SOBP: variants seen among roughly 807,000 people sequenced by gnomAD.
SOBP encodes sine oculis-binding protein homolog.
In SOBP, 4 loss-of-function variants were observed where a neutral mutation model predicts 53.6. The ratio of observed to expected loss-of-function variants is 0.07; its 90% confidence interval spans 0.04 to 0.17. The LOEUF (loss-of-function observed/expected upper bound fraction) is 0.17. SOBP is among the 10% of genes least tolerant of loss of function. The pLI, the probability that SOBP is intolerant of heterozygous loss-of-function variation, is 1.00. For synonymous variants in SOBP, 584 were observed against 522.6 expected (o/e 1.12, Z -1.60); for missense variants, 1,088 against 1,204.7 (o/e 0.90, Z 1.43).
chr6:107,518,925 T>C (rs1017873198), intron 3 of SOBP, among the ~76,000 whole-genome samples: 1 of 152,218 alleles, frequency 6.6e-6, no homozygotes, highest in Non-Finnish European at 1.5e-5. Context: ...AGTCTGTTCA[T>C]AGCTTTCTCA....
chr6:107,503,658 A>G lies in SOBP; in HGVS notation c.98A>G (p.Asn33Ser), dbSNP rs1447843936. 1.2e-6 allele frequency: 2 copies of G among 1,614,176 alleles called. No homozygotes were observed. Among genetic ancestry groups the G allele is most frequent in the Admixed American group, 1.7e-5 (1 of 60,030 alleles). The change falls in exon 2 of 7, where the codon AAC becomes AGC. Residue 33 changes from asparagine to serine, a missense_variant and splice_region_variant. Physicochemically the swap from Asn to Ser is conservative, Grantham distance 46. Coordinates refer to ENST00000317357, the MANE Select transcript of SOBP (RefSeq NM_018013.4). The stretch of plus-strand genomic sequence containing the variant: ...TAGTAGCCTATGCTTCTCTTTCAGA[A>G]CTTTGCAGAAAACACCATGAATGAA... ...VKREINEEMK[N>S]FAENTMNELL...
At chr6:107,565,913 T>G (rs984622492) in intron 4 of SOBP, among the ~76,000 whole-genome samples, 2 of 152,230 alleles carry the variant, frequency 1.3e-5, no homozygotes, top group Non-Finnish European at 2.9e-5. Flanking sequence ...CTCCAGTTGC[T>G]TCAAGCATAA....
intron 6 of SOBP, among the ~76,000 whole-genome samples, chr6:107,653,663 T>C (rs1231678592): frequency 6.6e-6 from 1 of 152,218 alleles, no homozygotes; most frequent in Non-Finnish European, 1.5e-5. Context: ...ATTACAAAAG[T>C]ATTTGAGGAA....
chr6:107,591,848 C>A (rs1449650345), intron 5 of SOBP, among the ~76,000 whole-genome samples: 1 of 152,010 alleles, frequency 6.6e-6, no homozygotes, highest in Non-Finnish European at 1.5e-5. Context: ...CTAGCTTCAA[C>A]AATTATCAAC....
rs547130589 is a variant in SOBP, at chr6:107,524,177, A to G, written c.422-9282A>G. Among the ~76,000 whole-genome samples, 19 of 152,334 alleles carry G rather than the reference A, an allele frequency of 1.2e-4. No individual in the cohort carries two copies. The East Asian group carries it at 3.1e-3, about 25-fold the overall frequency. On this transcript the variant is annotated intron_variant, in intron 3 of 6. Transcript: ENST00000317357. ...CTGCCACTTTTGTATCTCTTTGAAG[A>G]TGGTGCCCCTCTAGGCAGGGCAAGG...
chr6:107,575,720 G>GTAA (rs772512260), intron 4 of SOBP, among the ~76,000 whole-genome samples: 32 of 152,100 alleles, frequency 2.1e-4, no homozygotes, highest in Middle Eastern at 6.8e-3. Context: ...TCCTGGAAAT[G>GTAA]TAATAATAAT....
chr6:107,528,654 A>G (rs1233139764), intron 3 of SOBP, among the ~76,000 whole-genome samples: 1 of 152,248 alleles, frequency 6.6e-6, no homozygotes, highest in African/African-American at 2.4e-5. Context: ...CCTCAAAGAC[A>G]TTTTGACCTT....
chr6:107,656,051 A>C (rs1392853151), intron 6 of SOBP, among the ~76,000 whole-genome samples: 1 of 151,998 alleles, frequency 6.6e-6, no homozygotes, highest in Non-Finnish European at 1.5e-5. Context: ...AGATTCAGTC[A>C]CTCTTGGTTC....
chr6:107,567,774 G>A (rs1239588034), intron 4 of SOBP, among the ~76,000 whole-genome samples: 1 of 152,180 alleles, frequency 6.6e-6, no homozygotes, highest in African/African-American at 2.4e-5. Context: ...ATAAGGACAT[G>A]GTGTAGAAAG....
In SOBP at chr6:107,659,600, G is replaced by C. The variant is rs1014014838; in HGVS notation, c.*1397G>C. On this transcript the variant is annotated 3_prime_UTR_variant, in exon 7 of 7. Transcript: ENST00000317357. ...GTTTACTAACTCAAATAAAGCAATT[G>C]TTCCCTCTGGAGGGGTCCAGGTGCC... 1 of 152,348 alleles carries C rather than the reference G, an allele frequency of 6.6e-6. No homozygotes were observed. The highest frequency in any genetic ancestry group is 2.4e-5 in the African/African-American group (1 of 41,382). The allele number at this position is 152,348 out of a possible 1,614,324, so 9.4% of individuals were successfully genotyped here. A position where few individuals can be genotyped will look rare whatever the true frequency, so the allele number is the denominator to read the frequency against.
At chr6:107,638,958 A>G (rs1420267120) in intron 6 of SOBP, among the ~76,000 whole-genome samples, 2 of 151,992 alleles carry the variant, frequency 1.3e-5, no homozygotes, top group Non-Finnish European at 2.9e-5. Flanking sequence ...GCTGGAGTGC[A>G]GTGGCACAAT....
chr6:107,607,364 A>C (rs960406510), intron 5 of SOBP, among the ~76,000 whole-genome samples: 1 of 152,248 alleles, frequency 6.6e-6, no homozygotes, highest in Non-Finnish European at 1.5e-5. Flanking sequence ...GACAGGCCCA[A>C]CATGAAATAT....
At chr6:107,503,867 CTTTGG>C in intron 2 of SOBP, 72 bp downstream of exon 2, 5 of 1,574,210 alleles carry the variant, frequency 3.2e-6, no homozygotes, top group Non-Finnish European at 4.3e-6. Context: ...AATTGAGTTG[CTTTGG>C]GACTCAATTG....
At chr6:107,557,991 T>G (rs1263048413) in intron 4 of SOBP, 2 of 152,190 alleles carry the variant, frequency 1.3e-5, no homozygotes, top group African/African-American at 4.8e-5. Flanking sequence ...GTGTAAAATT[T>G]AAACATTTTA....
In SOBP at chr6:107,634,315, C is replaced by G; in HGVS notation, c.1471C>G (p.Pro491Ala). 1 of 1,579,098 alleles carries G rather than the reference C, an allele frequency of 6.3e-7. No homozygotes were observed. The highest frequency in any genetic ancestry group is 8.5e-7 in the Non-Finnish European group (1 of 1,169,720). ...CGCCCCGCTGCCGAGTCTTCCCTTC[C>G]CGCCAGTGAGCATGATGCCAAATGG... ...PGAPLPSLPF[P>A]PVSMMPNGPM... is the part of the protein sequence containing the mutation. Residue 491 changes from proline to alanine, a missense_variant, in exon 6 of 7, where the codon CCG becomes GCG. Physicochemically the swap from Pro to Ala is conservative, Grantham distance 27. Around this residue, in one of 6 missense-constraint regions of SOBP, gnomAD observed 665 missense variants for 629.7 expected, o/e 1.06. Transcript: ENST00000317357. The surrounding 1 kb of genome is among the most constrained non-coding windows in gnomAD (Gnocchi z 4.5).
At chr6:107,536,759 G>A (rs1170461307) in intron 4 of SOBP, among the ~76,000 whole-genome samples, 1 of 152,148 alleles carries the variant, frequency 6.6e-6, no homozygotes, top group African/African-American at 2.4e-5. Context: ...GCCAGGAGAG[G>A]ACCATGAATC....
At chr6:107,630,777 TCTCTCTC>T (rs1770682796) in intron 5 of SOBP, among the ~76,000 whole-genome samples, 1 of 111,334 alleles carries the variant, frequency 9.0e-6, no homozygotes, top group Non-Finnish European at 2.2e-5. Context: ...TCTCTCTCTC[TCTCTCTC>T]ACGTTACCGA....
intron 5 of SOBP, among the ~76,000 whole-genome samples, chr6:107,624,111 T>TA (rs1562108179): frequency 6.6e-6 from 1 of 151,964 alleles, no homozygotes; most frequent in Non-Finnish European, 1.5e-5. Context: ...GAGGAAAGAA[T>TA]AAAAAAATAA....
At chr6:107,568,407 C>G (rs918751898) in intron 4 of SOBP, among the ~76,000 whole-genome samples, 2 of 152,232 alleles carry the variant, frequency 1.3e-5, no homozygotes, top group African/African-American at 4.8e-5. Flanking sequence ...TGAGCCAAAG[C>G]ATGCCTCAGG....
Sources: gnomAD v4.1 joint callset for allele counts (sites outside exome capture counted in the v4.1 genomes callset) on GRCh38, gnomAD v4.1.1 for gene constraint, gnomAD v4.1.1 regional missense constraint, Gnocchi (gnomAD v3.1) non-coding constraint, MANE v1.5 for transcripts, NCBI Gene and HGNC (gene_info 2026-07-23, HGNC 2026-07-21) for gene names.